The following DCDC1 variants were observed in gnomAD, a reference collection of about 807,000 sequenced individuals.
DCDC1 encodes doublecortin domain containing 1.
In DCDC1, 200 loss-of-function variants were observed where a neutral mutation model predicts 178.3. The ratio of observed to expected loss-of-function variants is 1.12; its 90% CI spans 1.00 to 1.26. The LOEUF is 1.26. Among genes scored for constraint, DCDC1 ranks in the 50% most tolerant of loss-of-function variants. The pLI, the probability that DCDC1 is intolerant of heterozygous loss-of-function variation, is 0.00. For synonymous variants in DCDC1, 690 were observed against 604.8 expected (o/e 1.14, Z -2.07); for missense variants, 1,983 against 1,749.2 (o/e 1.13, Z -2.38).
intron 9 of DCDC1, among the ~76,000 whole-genome samples, chr11:31,197,318 A>G (rs1422148179): frequency 6.6e-6 from 1 of 152,118 alleles, no homozygotes; most frequent in African/African-American, 2.4e-5. Flanking sequence ...AGTGTTCATT[A>G]TTTCTTTGTA....
Position 31,279,453 on chromosome 11 carries a change from T to C in DCDC1, c.960+11194A>G, listed in dbSNP as rs572431671. ...AAGACACATGCACACGTATGTTTAT[T>C]GTGGCACTGTTCACAATGGCGAAGA... On this transcript the variant is annotated intron_variant, in intron 7 of 38. Transcript: ENST00000684477. Among the ~76,000 whole-genome samples, 22 of 152,258 alleles carry C rather than the reference T, an allele frequency of 1.4e-4. 1 individual carries two copies. The South Asian group carries it at 4.6e-3, about 32-fold the overall frequency.
intron 6 of DCDC1, among the ~76,000 whole-genome samples, chr11:31,294,856 AAGAAAGAAAGAAAAAG>A (rs996519906): frequency 2.1e-5 from 3 of 143,394 alleles, no homozygotes; most frequent in Admixed American, 2.1e-4. Flanking sequence ...GAAAGAAAGA[AAGAAAGAAAGAAAAAG>A]AAAACAGAAA....
chr11:31,333,010 G>A (rs1265596052), intron 2 of DCDC1, among the ~76,000 whole-genome samples: 2 of 152,166 alleles, frequency 1.3e-5, no homozygotes, highest in African/African-American at 4.8e-5. Context: ...TATTGTGTGA[G>A]AGTCAAAGTC....
chr11:31,217,505 T>C (rs923003287), intron 9 of DCDC1, among the ~76,000 whole-genome samples: 1 of 152,160 alleles, frequency 6.6e-6, no homozygotes, highest in Non-Finnish European at 1.5e-5. Context: ...TATCCATCTA[T>C]AAGTTAGACA....
intron 22 of DCDC1, among the ~76,000 whole-genome samples, chr11:30,928,965 A>C (rs1946761170): frequency 6.6e-6 from 1 of 152,046 alleles, no homozygotes; most frequent in African/African-American, 2.4e-5. Flanking sequence ...ATCATAGAAA[A>C]AGATGCTTAA....
intron 9 of DCDC1, among the ~76,000 whole-genome samples, chr11:31,160,166 T>C (rs1200873819): frequency 6.6e-6 from 1 of 152,198 alleles, no homozygotes; most frequent in Non-Finnish European, 1.5e-5. Context: ...TTCCTAAGAC[T>C]AATCACATAT....
intron 8 of DCDC1, among the ~76,000 whole-genome samples, chr11:31,259,801 A>G (rs1944660945): frequency 6.6e-6 from 1 of 152,196 alleles, no homozygotes. Flanking sequence ...GCCGTCTGGC[A>G]TCTTGGAAAG....
Position 31,324,246 on chromosome 11 carries a change from A to G in DCDC1, c.164+3871T>C, listed in dbSNP as rs145138424. ...GAAAAACTTCTAAAGAAGAAGAACA[A>G]TTTCCAAGATTCATAAAGACACATC... On this transcript the variant is annotated intron_variant, in intron 3 of 38. Transcript: ENST00000684477. 5.3e-5 allele frequency among the ~76,000 whole-genome samples: 8 copies of G among 152,170 alleles called. No individual in the cohort carries two copies. The East Asian group carries it at 1.5e-3, about 29-fold the overall frequency.
intron 18 of DCDC1, among the ~76,000 whole-genome samples, chr11:31,074,522 G>A (rs1024642050): frequency 6.6e-5 from 10 of 152,048 alleles, no homozygotes; most frequent in Non-Finnish European, 1.0e-4. Flanking sequence ...GTGAGAATAC[G>A]GCATTTGTCC....
chr11:31,328,191 T>G lies in DCDC1; in HGVS notation c.90A>C (p.Gln30His). Residue 30 changes from glutamine (Q) to histidine (H), a missense_variant, in exon 3 of 39, where the codon CAA becomes CAC. Transcript: ENST00000684477. ...LLTEAMEVLQ[Q>H]SSPEGTLDGN... ...CATCCAAAGTGCCTTCAGGGCTACT[T>G]TGCTGTAATACTTCCATTGCTTCAG... is the stretch of plus-strand genomic sequence containing the variant. 1 of 1,612,792 alleles carries G rather than the reference T, an allele frequency of 6.2e-7. No homozygotes were observed. The highest frequency in any genetic ancestry group is 8.5e-7 in the Non-Finnish European group (1 of 1,179,094).
At chr11:30,957,138 G>A (rs954846434) in intron 20 of DCDC1, among the ~76,000 whole-genome samples, 4 of 152,010 alleles carry the variant, frequency 2.6e-5, no homozygotes, top group African/African-American at 9.7e-5. Flanking sequence ...CTTGTGCCTC[G>A]GACCCTTATC....
chr11:30,957,745 C>A (rs560755982), intron 20 of DCDC1, among the ~76,000 whole-genome samples: 4 of 152,162 alleles, frequency 2.6e-5, no homozygotes, highest in Non-Finnish European at 5.9e-5. Context: ...AACTGAGCCA[C>A]CCATCATGAG....
chr11:31,112,615 A>G (rs1258052981), intron 11 of DCDC1, among the ~76,000 whole-genome samples: 1 of 152,184 alleles, frequency 6.6e-6, no homozygotes, highest in Non-Finnish European at 1.5e-5. Context: ...CTAAAAAATC[A>G]TGATGCAGAT....
At chr11:31,167,072 A>G (rs56181338) in intron 9 of DCDC1, among the ~76,000 whole-genome samples, 10 of 152,308 alleles carry the variant, frequency 6.6e-5, no homozygotes, top group Admixed American at 6.5e-4. Context: ...ATACTAACAC[A>G]GCCCACAAAT....
At chr11:30,869,576 G>A (rs141081088) in intron 38 of DCDC1, among the ~76,000 whole-genome samples, 369 of 152,302 alleles carry the variant, frequency 2.4e-3, no homozygotes, top group South Asian at 0.014. Flanking sequence ...GTCCACAGTG[G>A]TAAGTCCTAC....
chr11:31,347,192 G>C (rs1950858938), intron 1 of DCDC1, among the ~76,000 whole-genome samples: 1 of 152,144 alleles, frequency 6.6e-6, no homozygotes, highest in African/African-American at 2.4e-5. Context: ...TTCTTCCCCA[G>C]GTAAATTGGG....
intron 8 of DCDC1, among the ~76,000 whole-genome samples, chr11:31,255,145 A>G (rs1046888048): frequency 6.6e-6 from 1 of 152,316 alleles, no homozygotes; most frequent in South Asian, 2.1e-4. Flanking sequence ...GCTGAATAAC[A>G]TTCCATTGTA....
At chr11:30,981,356 T>C (rs1950385718) in intron 20 of DCDC1, among the ~76,000 whole-genome samples, 1 of 152,110 alleles carries the variant, frequency 6.6e-6, no homozygotes, top group African/African-American at 2.4e-5. Flanking sequence ...TTAAAAAGAA[T>C]ACCTACTTCA....
At chr11:31,348,948 T>A (rs895817909) in intron 1 of DCDC1, among the ~76,000 whole-genome samples, 3 of 152,218 alleles carry the variant, frequency 2.0e-5, no homozygotes, top group African/African-American at 7.2e-5. Flanking sequence ...TGTGGAATAG[T>A]CTACTCTTCT....
Sources: gnomAD v4.1 joint callset for allele counts (sites outside exome capture counted in the v4.1 genomes callset) on GRCh38, gnomAD v4.1.1 for gene constraint, MANE v1.5 for transcripts, NCBI Gene and HGNC (gene_info 2026-07-23, HGNC 2026-07-21) for gene names.